The following ZBTB16 variants were observed in gnomAD, a reference collection of about 807,000 sequenced individuals.
ZBTB16 encodes zinc finger and BTB domain containing 16.
In ZBTB16, 8 loss-of-function variants were observed where a neutral mutation model predicts 56.8. The ratio of observed to expected loss-of-function variants is 0.14; its 90% CI spans 0.08 to 0.25. The LOEUF is 0.25. ZBTB16 is among the 10% of genes least tolerant of loss of function. The pLI is 1.00. For synonymous variants in ZBTB16, 363 were observed against 368.5 expected, an observed-to-expected ratio of 0.98 and a Z score of 0.17; for missense variants, 625 against 903.0, an observed-to-expected ratio of 0.69 and a Z score of 3.95.
At chr11:114,223,433 CT>C (rs1218681001) in intron 4 of ZBTB16, among the ~76,000 whole-genome samples, 4 of 152,234 alleles carry the variant, frequency 2.6e-5, no homozygotes, top group Non-Finnish European at 5.9e-5. Context: ...AGCATGTTTA[CT>C]TGAGTTGAAG....
intron 2 of ZBTB16, among the ~76,000 whole-genome samples, chr11:114,128,369 C>T (rs927508723): frequency 2.6e-5 from 4 of 152,224 alleles, no homozygotes; most frequent in East Asian, 3.9e-4. Flanking sequence ...TCTGCATGGC[C>T]GTGGCCACAT....
At chr11:114,192,953 G>A (rs1943532145) in intron 4 of ZBTB16, among the ~76,000 whole-genome samples, 1 of 152,204 alleles carries the variant, frequency 6.6e-6, no homozygotes, top group African/African-American at 2.4e-5. Context: ...AGTCCCCGAG[G>A]GATGAGCAGC....
At chr11:114,076,471 C>T (rs191934793) in intron 2 of ZBTB16, among the ~76,000 whole-genome samples, 13 of 152,162 alleles carry the variant, frequency 8.5e-5, no homozygotes, top group Admixed American at 2.0e-4. Context: ...GCTCTTGCCC[C>T]GCTTAGAGCC....
chr11:114,073,524 G>C (rs1939430489), intron 2 of ZBTB16, among the ~76,000 whole-genome samples: 1 of 152,172 alleles, frequency 6.6e-6, no homozygotes, highest in Non-Finnish European at 1.5e-5. Flanking sequence ...GCAGCTGCAA[G>C]GAGGGGATCC....
rs1565663072 is a variant in ZBTB16 at position 114,167,226 on chromosome 11, T to TG, written c.1366+10792_1366+10793insG. On this transcript the variant is annotated intron_variant, in intron 3 of 6. Transcript: ENST00000335953. Reference sequence around the variant, plus strand: ...CATTATGGATTTGTGGTTTTTTTTTTTTTTGGTTTTTTTTTTTTTTTTTTT... The same window carrying TG: ...CATTATGGATTTGTGGTTTTTTTTTTGTTTTGGTTTTTTTTTTTTTTTTTTT... 1.2e-3 allele frequency among the ~76,000 whole-genome samples: 96 copies of TG among 80,476 alleles called. 2 individuals carry two copies. Among genetic ancestry groups the TG allele is most frequent in the African/African-American group, 7.2e-3 (75 of 10,384 alleles). The allele number at this position is 80,476 out of a possible 152,430, so 52.8% of individuals were successfully genotyped here.
intron 2 of ZBTB16, among the ~76,000 whole-genome samples, chr11:114,136,677 G>C (rs373792955): frequency 6.6e-6 from 1 of 152,020 alleles, no homozygotes; most frequent in African/African-American, 2.4e-5. Flanking sequence ...AGTCATCATC[G>C]GGCAGATCAC....
chr11:114,124,049 C>T (rs1292370138), intron 2 of ZBTB16, among the ~76,000 whole-genome samples: 2 of 150,112 alleles, frequency 1.3e-5, no homozygotes, highest in Non-Finnish European at 3.0e-5. Context: ...CAGATGTATT[C>T]TGCTTTTAAG....
At position 114,101,747 on chromosome 11, in the gene ZBTB16, A is replaced by G. The variant is rs999765339; in HGVS notation, c.1268+37179A>G. Among the ~76,000 whole-genome samples the G allele has an allele frequency of 4.6e-5, 7 of 152,240 alleles. No homozygotes were observed. The South Asian group carries it at 6.2e-4, about 14-fold the overall frequency. On this transcript the variant is annotated intron_variant, in intron 2 of 6. Coordinates refer to ENST00000335953, the MANE Select transcript of ZBTB16 (RefSeq NM_006006.6). ...TCTCCTGGCTATTATTGGAGTGCCC[A>G]GTAAATGCTAGTTGCCTTATCCTCC...
chr11:114,095,257 T>TTTTC (rs1940349771), intron 2 of ZBTB16, among the ~76,000 whole-genome samples: 13 of 133,394 alleles, frequency 9.7e-5, no homozygotes, highest in African/African-American at 3.9e-4. Context: ...TTTTTTTTTT[T>TTTTC]TTTTTTTTTT....
At chr11:114,205,314 G>A (rs1276543990) in intron 4 of ZBTB16, among the ~76,000 whole-genome samples, 3 of 151,918 alleles carry the variant, frequency 2.0e-5, no homozygotes, top group African/African-American at 7.3e-5. Context: ...GGAGGCTGAG[G>A]CAGGAGAATG....
rs988045570 is a variant in ZBTB16, at chr11:114,251,011, T to C, written c.*456T>C. Reference sequence around the variant, plus strand: ...AGCCAGAAGGGCGCTCCCCTGCTGATGGGTCTGGGCTGGGTCACTAGCTGC... The same window carrying C: ...AGCCAGAAGGGCGCTCCCCTGCTGACGGGTCTGGGCTGGGTCACTAGCTGC... On this transcript the variant is annotated 3_prime_UTR_variant, in exon 7 of 7. Coordinates refer to ENST00000335953, the MANE Select transcript of ZBTB16 (RefSeq NM_006006.6). 6.6e-6 allele frequency among the ~76,000 whole-genome samples: 1 copy of C among 152,042 alleles called. No homozygotes were observed. The highest frequency in any genetic ancestry group is 2.4e-5 in the African/African-American group (1 of 41,386).
At chr11:114,233,081 G>GCGCACACACACA (rs1250341636) in intron 4 of ZBTB16, among the ~76,000 whole-genome samples, 3 of 87,478 alleles carry the variant, frequency 3.4e-5, no homozygotes, top group African/African-American at 1.3e-4. Context: ...GCGCGCGCGC[G>GCGCACACACACA]CACACACACA....
chr11:114,166,024 G>GTACC (rs546542474), intron 3 of ZBTB16, among the ~76,000 whole-genome samples: 107 of 152,224 alleles, frequency 7.0e-4, no homozygotes, highest in Non-Finnish European at 1.4e-3. Flanking sequence ...GAGCAACCAG[G>GTACC]TAGGCAGCCA....
intron 3 of ZBTB16, among the ~76,000 whole-genome samples, chr11:114,169,054 C>T (rs1256606530): frequency 6.6e-6 from 1 of 152,024 alleles, no homozygotes; most frequent in Non-Finnish European, 1.5e-5. Flanking sequence ...CTGTGTCATG[C>T]CCCCCACTCC....
rs1165241343 is a variant in ZBTB16, at chr11:114,242,386, T to C, written c.1624+49T>C. ...GGATCTGGGTCTCTGGGAGCCAGCG[T>C]CTATATTTACCTCCAAGGACGTAAA... is the stretch of plus-strand genomic sequence containing the variant. On this transcript the variant is annotated intron_variant, in intron 5 of 6. Transcript: ENST00000335953. The C allele has an allele frequency of 3.1e-6, 5 of 1,604,464 alleles. No homozygotes were observed. In the East Asian group the frequency reaches 1.1e-4, roughly 36 times the overall value.
chr11:114,148,087 G>A (rs894837970), intron 2 of ZBTB16, among the ~76,000 whole-genome samples: 1 of 152,222 alleles, frequency 6.6e-6, no homozygotes, highest in Non-Finnish European at 1.5e-5. Context: ...CCACAGCCAC[G>A]AAGATCCCTC....
At chr11:114,187,309 T>C in intron 4 of ZBTB16, 1 of 549,310 alleles carries the variant, frequency 1.8e-6, no homozygotes, top group Non-Finnish European at 3.3e-6. Context: ...AGAGCTCATG[T>C]TCTTGGAGGT....
intron 4 of ZBTB16, among the ~76,000 whole-genome samples, chr11:114,216,839 T>C (rs1044158778): frequency 6.6e-6 from 1 of 152,232 alleles, no homozygotes; most frequent in Non-Finnish European, 1.5e-5. Context: ...AATAGAAAGA[T>C]GACTAGACCC....
At chr11:114,228,392 C>T (rs955973097) in intron 4 of ZBTB16, among the ~76,000 whole-genome samples, 1 of 152,172 alleles carries the variant, frequency 6.6e-6, no homozygotes, top group African/African-American at 2.4e-5. Flanking sequence ...CAGTACTGCC[C>T]ATATGACTTG....
Sources: allele counts gnomAD v4.1 joint callset (sites outside exome capture counted in the v4.1 genomes callset), GRCh38; gene constraint gnomAD v4.1.1; transcripts MANE v1.5; gene names NCBI Gene and HGNC (gene_info 2026-07-23, HGNC 2026-07-21).